Variants in GALNT18 observed in about 807,000 individuals in gnomAD.
GALNT18 encodes the protein polypeptide N-acetylgalactosaminyltransferase 18.
In GALNT18, 44 loss-of-function variants were observed where a neutral mutation model predicts 69.5. The observed-to-expected ratio is 0.63, with a 90% CI of 0.50 to 0.81. The LOEUF is 0.81. Among genes scored for constraint, GALNT18 ranks in the 40% least tolerant of loss-of-function variants. The probability of loss-of-function intolerance (pLI) is 0.00; values close to 1 mark genes in which losing one functional copy is unlikely to be tolerated. For synonymous variants in GALNT18, 364 were observed against 318.2 expected, an observed-to-expected ratio of 1.14 and a Z score of -1.53; for missense variants, 715 against 810.0, an observed-to-expected ratio of 0.88 and a Z score of 1.42.
At chr11:11,327,486 G>C (rs1476483477) in intron 8 of GALNT18, among the ~76,000 whole-genome samples, 1 of 152,234 alleles carries the variant, frequency 6.6e-6, no homozygotes, top group African/African-American at 2.4e-5. Context: ...CACTTCCTCA[G>C]GGGTGGGACA....
intron 1 of GALNT18, among the ~76,000 whole-genome samples, chr11:11,536,504 A>G (rs10831636): frequency 0.49 from 73,958 of 151,906 alleles, 18,957 homozygotes; most frequent in East Asian, 0.8. Context: ...CCCTCCTTAC[A>G]CCTCACTAGG....
chr11:11,499,162 G>A (rs1856926211), intron 1 of GALNT18, among the ~76,000 whole-genome samples: 1 of 152,130 alleles, frequency 6.6e-6, no homozygotes, highest in Non-Finnish European at 1.5e-5. Context: ...CCTTAGAACT[G>A]TATGACTGTG....
intron 1 of GALNT18, among the ~76,000 whole-genome samples, chr11:11,524,224 G>A (rs1857468468): frequency 6.6e-6 from 1 of 152,068 alleles, no homozygotes; most frequent in African/African-American, 2.4e-5. Context: ...GATGCTAGGT[G>A]GCCCAAAATG....
chr11:11,394,138 C>T lies in GALNT18; in HGVS notation c.596-14874G>A, dbSNP rs149972137. On this transcript the variant is annotated intron_variant, in intron 3 of 10. Coordinates refer to ENST00000227756, the MANE Select transcript of GALNT18 (RefSeq NM_198516.3). The stretch of plus-strand genomic sequence containing the variant: ...GTCACAAGGTGCTATGAAAATACAG[C>T]GCAGGATGTGACAACCTCTGCAGGG... Among the ~76,000 whole-genome samples the T allele has an allele frequency of 1.8e-3, 279 of 152,246 alleles. 1 individual carries two copies. The highest frequency in any genetic ancestry group is 5.4e-3 in the African/African-American group (225 of 41,538).
intron 1 of GALNT18, among the ~76,000 whole-genome samples, chr11:11,533,406 C>T (rs1209832336): frequency 6.6e-6 from 1 of 152,178 alleles, no homozygotes; most frequent in Non-Finnish European, 1.5e-5. Context: ...CTGTTTTTGC[C>T]ATACCTACTG....
At chr11:11,330,895 T>C (rs997512272) in intron 8 of GALNT18, among the ~76,000 whole-genome samples, 1 of 152,206 alleles carries the variant, frequency 6.6e-6, no homozygotes, top group Non-Finnish European at 1.5e-5. Flanking sequence ...GTTTGGCTAA[T>C]CCTGCTCAGC....
intron 8 of GALNT18, among the ~76,000 whole-genome samples, chr11:11,328,517 C>A (rs1849964542): frequency 6.6e-6 from 1 of 152,128 alleles, no homozygotes; most frequent in African/African-American, 2.4e-5. Context: ...TAACCAGAGG[C>A]CCACGTGTGC....
intron 1 of GALNT18, among the ~76,000 whole-genome samples, chr11:11,481,567 C>T (rs1042371793): frequency 5.9e-5 from 9 of 152,148 alleles, no homozygotes; most frequent in African/African-American, 1.2e-4. Context: ...CACTATCTCC[C>T]GGCAGTCATC....
rs573894366 is a variant in GALNT18 at position 11,533,184 on chromosome 11, A to G, written c.236-84248T>C. On this transcript the variant is annotated intron_variant, in intron 1 of 10. Transcript: ENST00000227756. ...ACCTGCCCATTGTGCCAAAGCTGGC[A>G]ATGAACTCCTGTTCTGTTGAACTGC... 5.9e-5 allele frequency among the ~76,000 whole-genome samples: 9 copies of G among 152,274 alleles called. No homozygotes were observed. The East Asian group carries it at 1.7e-3, about 29-fold the overall frequency.
chr11:11,398,969 G>C (rs913371437), intron 3 of GALNT18, among the ~76,000 whole-genome samples: 1 of 152,130 alleles, frequency 6.6e-6, no homozygotes, highest in African/African-American at 2.4e-5. Flanking sequence ...GAGGGAGCTG[G>C]AGCTGAAAGG....
At position 11,356,795 on chromosome 11, in the gene GALNT18, CCTT is replaced by C. The variant is rs1850537293; in HGVS notation, c.1092+15717_1092+15719del. ...GAGTAAAATTGTTCTTGGGCACTCTCCTTCTGCTCCCCACCATTTCTAGCTAAT... is the reference window on the plus strand; with the variant it reads ...GAGTAAAATTGTTCTTGGGCACTCTCCTGCTCCCCACCATTTCTAGCTAAT... On this transcript the variant is annotated intron_variant, in intron 6 of 10. Coordinates refer to ENST00000227756, the MANE Select transcript of GALNT18 (RefSeq NM_198516.3). This position sits in a 1 kb window ranked among gnomAD's most constrained non-coding sequence, Gnocchi z 4.4. 6.6e-6 allele frequency among the ~76,000 whole-genome samples: 1 copy of C among 152,350 alleles called. No homozygotes were observed. Among genetic ancestry groups the C allele is most frequent in the Admixed American group, 6.5e-5 (1 of 15,306 alleles).
At chr11:11,556,084 T>C (rs571060692) in intron 1 of GALNT18, among the ~76,000 whole-genome samples, 14 of 152,368 alleles carry the variant, frequency 9.2e-5, no homozygotes, top group South Asian at 8.3e-4. Context: ...AATTCAGGTT[T>C]CATGGAGGAA....
intron 1 of GALNT18, among the ~76,000 whole-genome samples, chr11:11,566,630 T>C (rs1858659061): frequency 6.6e-6 from 1 of 152,166 alleles, no homozygotes; most frequent in Non-Finnish European, 1.5e-5. Context: ...GAAAGAAAGA[T>C]AAGAGAAATA....
intron 1 of GALNT18, among the ~76,000 whole-genome samples, chr11:11,449,249 C>A (rs1474167005): frequency 6.6e-6 from 1 of 152,212 alleles, no homozygotes; most frequent in Non-Finnish European, 1.5e-5. Flanking sequence ...CAGTCTGCCT[C>A]CCTGCCAGAG....
At chr11:11,607,452 T>G (rs1248525095) in intron 1 of GALNT18, among the ~76,000 whole-genome samples, 2 of 152,218 alleles carry the variant, frequency 1.3e-5, no homozygotes, top group African/African-American at 4.8e-5. Flanking sequence ...GAAATCTTTT[T>G]TAAAAACACT....
chr11:11,311,034 C>T (rs1047832733), intron 9 of GALNT18, among the ~76,000 whole-genome samples: 1 of 152,172 alleles, frequency 6.6e-6, no homozygotes. Flanking sequence ...AGTGGTACCA[C>T]CTCCTCCAGA....
intron 1 of GALNT18, among the ~76,000 whole-genome samples, chr11:11,483,246 A>C (rs371491484): frequency 6.6e-6 from 1 of 152,082 alleles, no homozygotes; most frequent in East Asian, 1.9e-4. Context: ...GCCTGCTAAA[A>C]TTCAGCTCTA....
chr11:11,280,276 G>A (rs963149671), intron 10 of GALNT18, among the ~76,000 whole-genome samples: 2 of 152,136 alleles, frequency 1.3e-5, no homozygotes, highest in Non-Finnish European at 2.9e-5. Context: ...GCCTCTGAAA[G>A]GGGCCCTTGG....
In GALNT18 at chr11:11,470,660, C is replaced by T. The variant is rs11021867; in HGVS notation, c.236-21724G>A. On this transcript the variant is annotated intron_variant, in intron 1 of 10. Transcript: ENST00000227756. The surrounding 1 kb of genome is among the most constrained non-coding windows in gnomAD (Gnocchi z 4.8). Reference sequence around the variant, plus strand: ...AGACAGGGGATTGACTGAAAGACCCCTTTCAGGCTCCACTAGCTGGGTCCC... The same window carrying T: ...AGACAGGGGATTGACTGAAAGACCCTTTTCAGGCTCCACTAGCTGGGTCCC... Among the ~76,000 whole-genome samples the T allele has an allele frequency of 0.11, 16,350 of 152,140 alleles. 1,188 individuals are homozygous for T. Among genetic ancestry groups the T allele is most frequent in the East Asian group, 0.25 (1,292 of 5,146 alleles).
Sources: gnomAD v4.1 joint callset for allele counts (sites outside exome capture counted in the v4.1 genomes callset) on GRCh38, gnomAD v4.1.1 for gene constraint, Gnocchi (gnomAD v3.1) non-coding constraint, MANE v1.5 for transcripts, NCBI Gene and HGNC (gene_info 2026-07-23, HGNC 2026-07-21) for gene names.